CSMD1: variants seen among roughly 807,000 people sequenced by gnomAD.
CSMD1 encodes CUB and Sushi multiple domains 1.
CSMD1 carries 213 observed loss-of-function variants against 417.5 expected under a neutral mutation model. The observed-to-expected ratio is 0.51, with a 90% CI of 0.46 to 0.57. The LOEUF (loss-of-function observed/expected upper bound fraction) is 0.57. Among genes scored for constraint, CSMD1 ranks in the 20% least tolerant of loss-of-function variants. The pLI, the probability that CSMD1 is intolerant of heterozygous loss-of-function variation, is 0.00. For synonymous variants in CSMD1, 2,862 were observed against 1,736.8 expected (o/e 1.65, Z -16.11); for missense variants, 6,923 against 4,529.7 (o/e 1.53, Z -15.17).
At chr8:3,420,240 C>G (rs867028221) in intron 12 of CSMD1, among the ~76,000 whole-genome samples, 5 of 151,990 alleles carry the variant, frequency 3.3e-5, no homozygotes, top group South Asian at 2.1e-4. Context: ...AGTCTAACCA[C>G]AAGAAAAGCA....
At chr8:4,409,002 A>T (rs1796498000) in intron 3 of CSMD1, among the ~76,000 whole-genome samples, 1 of 152,154 alleles carries the variant, frequency 6.6e-6, no homozygotes. Flanking sequence ...TGATTTAAGA[A>T]CTCTGAAGAC....
intron 26 of CSMD1, among the ~76,000 whole-genome samples, chr8:3,280,358 A>G (rs1403890837): frequency 1.3e-5 from 2 of 152,230 alleles, no homozygotes; most frequent in Non-Finnish European, 2.9e-5. Flanking sequence ...GTCTCAAAGC[A>G]TTAGAGGTCA....
chr8:4,404,572 C>T (rs1463589851), intron 3 of CSMD1, among the ~76,000 whole-genome samples: 1 of 152,060 alleles, frequency 6.6e-6, no homozygotes, highest in Non-Finnish European at 1.5e-5. Flanking sequence ...TTTTAAAACT[C>T]ACTTAAATTT....
intron 1 of CSMD1, among the ~76,000 whole-genome samples, chr8:4,700,177 T>C (rs1237988804): frequency 1.3e-5 from 2 of 152,120 alleles, no homozygotes; most frequent in Admixed American, 1.3e-4. Context: ...AGTTCATGTT[T>C]ATGAAACAAA....
chr8:4,105,151 C>A (rs1390922523), intron 3 of CSMD1, among the ~76,000 whole-genome samples: 3 of 152,134 alleles, frequency 2.0e-5, no homozygotes, highest in African/African-American at 7.2e-5. Flanking sequence ...TAACGTACAA[C>A]TGAAAATTAG....
chr8:4,410,820 T>C (rs1796612777), intron 3 of CSMD1, among the ~76,000 whole-genome samples: 1 of 152,182 alleles, frequency 6.6e-6, no homozygotes, highest in Non-Finnish European at 1.5e-5. Flanking sequence ...GAATATGGTT[T>C]GTCTCCACCA....
At chr8:4,348,546 AGTGT>A (rs1233992590) in intron 3 of CSMD1, among the ~76,000 whole-genome samples, 4 of 144,784 alleles carry the variant, frequency 2.8e-5, no homozygotes, top group Non-Finnish European at 6.1e-5. Context: ...CACAAATAAA[AGTGT>A]GTGTGTGCAC....
At chr8:3,565,185 G>C (rs62475833) in intron 10 of CSMD1, among the ~76,000 whole-genome samples, 65 of 19,480 alleles carry the variant, frequency 3.3e-3, no homozygotes, top group Non-Finnish European at 5.9e-3. Context: ...AAGAAAGAAA[G>C]ATACATAGAT....
chr8:3,870,719 C>G (rs1236711193), intron 5 of CSMD1, among the ~76,000 whole-genome samples: 2 of 151,940 alleles, frequency 1.3e-5, no homozygotes, highest in East Asian at 1.9e-4. Flanking sequence ...TTTATATATT[C>G]TCCTCTGTTA....
intron 3 of CSMD1, among the ~76,000 whole-genome samples, chr8:4,411,327 G>C (rs1052180548): frequency 6.6e-6 from 1 of 151,848 alleles, no homozygotes; most frequent in Non-Finnish European, 1.5e-5. Context: ...CTATTTCTGT[G>C]AGTGGATTTC....
At chr8:4,235,515 A>G (rs1362815933) in intron 3 of CSMD1, among the ~76,000 whole-genome samples, 1 of 152,278 alleles carries the variant, frequency 6.6e-6, no homozygotes, top group Middle Eastern at 3.4e-3. Flanking sequence ...TCTTCTAAGT[A>G]ATGGTACATA....
At chr8:4,030,183 C>T (rs950699169) in intron 4 of CSMD1, among the ~76,000 whole-genome samples, 1 of 111,074 alleles carries the variant, frequency 9.0e-6, no homozygotes, top group Non-Finnish European at 1.8e-5. Context: ...GGATGGTAGC[C>T]TTCTTCTCAC....
Position 3,285,380 on chromosome 8 carries a change from T to A in CSMD1, c.3951-1034A>T, listed in dbSNP as rs1169312105. Among the ~76,000 whole-genome samples the A allele has an allele frequency of 2.8e-5, 4 of 143,254 alleles. No homozygotes were observed. The Admixed American group carries it at 2.9e-4, about 10-fold the overall frequency. 94.0% of individuals were successfully genotyped at this position (143,254 alleles called of 152,430 possible). On this transcript the variant is annotated intron_variant, in intron 25 of 69. Transcript: ENST00000635120. ...ATTTTCCTACATTTTGCCCTATTTT[T>A]GTCAGAACTTTTTTTTTTTTTCTAG... is the stretch of plus-strand genomic sequence containing the variant.
intron 3 of CSMD1, among the ~76,000 whole-genome samples, chr8:4,184,779 C>G (rs1241411624): frequency 1.5e-4 from 1 of 6,552 alleles, no homozygotes; most frequent in African/African-American, 1.7e-4. Flanking sequence ...ATAATCTGTA[C>G]CACAACCTGT....
intron 5 of CSMD1, among the ~76,000 whole-genome samples, chr8:3,763,303 C>T (rs551445688): frequency 1.3e-5 from 2 of 152,256 alleles, no homozygotes; most frequent in East Asian, 3.9e-4. Context: ...CATATGATTG[C>T]CGGTATTGGA....
chr8:3,579,607 T>C (rs1389754619), intron 9 of CSMD1, among the ~76,000 whole-genome samples: 4 of 152,166 alleles, frequency 2.6e-5, no homozygotes, highest in Non-Finnish European at 5.9e-5. Context: ...ATAATGAAGA[T>C]AATATATCAC....
intron 1 of CSMD1, among the ~76,000 whole-genome samples, chr8:4,923,665 G>A (rs763979037): frequency 1.3e-5 from 2 of 152,044 alleles, no homozygotes; most frequent in Non-Finnish European, 2.9e-5. Context: ...TTCTCTCCTG[G>A]TATACCTATC....
chr8:4,939,401 T>C (rs567943088), intron 1 of CSMD1, among the ~76,000 whole-genome samples: 1 of 152,208 alleles, frequency 6.6e-6, no homozygotes, highest in African/African-American at 2.4e-5. Flanking sequence ...ACAACCTCAG[T>C]GACCCTCAAC....
chr8:4,620,867 G>C (rs898829559), intron 2 of CSMD1, among the ~76,000 whole-genome samples: 1 of 151,414 alleles, frequency 6.6e-6, no homozygotes, highest in African/African-American at 2.4e-5. Flanking sequence ...AAAATAAATA[G>C]AAGAGTGAAA....
Sources: allele counts gnomAD v4.1 joint callset (sites outside exome capture counted in the v4.1 genomes callset), GRCh38; gene constraint gnomAD v4.1.1; transcripts MANE v1.5; gene names NCBI Gene and HGNC (gene_info 2026-07-23, HGNC 2026-07-21).